RPS6KC1: variants seen among roughly 807,000 people sequenced by gnomAD.
The protein encoded by RPS6KC1 is ribosomal protein S6 kinase C1, also known as inactive ribosomal protein S6 kinase delta-1.
Under a neutral mutation model 103.8 loss-of-function variants are expected in RPS6KC1, and 54 were observed. That is an observed-to-expected ratio of 0.52 (90% CI 0.42 to 0.65). RPS6KC1 has a LOEUF of 0.65. Among genes scored for constraint, RPS6KC1 ranks in the 30% least tolerant of loss-of-function variants. The pLI is 0.00. For missense variants in RPS6KC1, 1,151 were observed against 1,253.8 expected, an observed-to-expected ratio of 0.92 and a Z score of 1.24; for synonymous variants, 439 against 438.7, an observed-to-expected ratio of 1.00 and a Z score of -0.01.
the RPS6KC1 span, among the ~76,000 whole-genome samples, chr1:213,300,094 C>T: frequency 8.5e-5 from 13 of 152,128 alleles, no homozygotes; most frequent in Admixed American, 6.6e-5. Context: ...CGTGAGCCAC[C>T]GCACCCCGCC....
At chr1:213,519,162 C>A in the RPS6KC1 span, among the ~76,000 whole-genome samples, 579 of 152,276 alleles carry the variant, frequency 3.8e-3, 1 homozygote, top group Non-Finnish European at 6.9e-3. Flanking sequence ...AATCCTTTGA[C>A]TGTTGTTCTG....
At chr1:213,594,209 T>C in the RPS6KC1 span, among the ~76,000 whole-genome samples, 1 of 152,142 alleles carries the variant, frequency 6.6e-6, no homozygotes, top group African/African-American at 2.4e-5. Context: ...TAAACAAAGC[T>C]TCACCATTTC....
the RPS6KC1 span, among the ~76,000 whole-genome samples, chr1:213,636,554 C>CCATATG: frequency 1.3e-5 from 2 of 152,152 alleles, no homozygotes; most frequent in African/African-American, 4.8e-5. Context: ...GGAGAACTGG[C>CCATATG]TAGCCATATG....
intron 1 of RPS6KC1, among the ~76,000 whole-genome samples, chr1:213,061,223 A>G (rs1331373633): frequency 1.3e-5 from 2 of 152,244 alleles, no homozygotes; most frequent in Admixed American, 6.5e-5. Flanking sequence ...GAGAAACACA[A>G]ACATTCAGTC....
chr1:213,112,752 C>T (rs889750587), intron 4 of RPS6KC1, among the ~76,000 whole-genome samples: 1 of 150,440 alleles, frequency 6.6e-6, no homozygotes, highest in Non-Finnish European at 1.5e-5. Context: ...GTGTGATGTT[C>T]CCCTTCCTGT....
chr1:213,326,575 C>T, the RPS6KC1 span, among the ~76,000 whole-genome samples: 1 of 152,188 alleles, frequency 6.6e-6, no homozygotes, highest in Non-Finnish European at 1.5e-5. Context: ...ATTACCCCCC[C>T]AAACAATATG....
rs770063633 is a variant in RPS6KC1, at chr1:213,129,830, A to G, written c.776A>G (p.Tyr259Cys). The change falls in exon 6 of 15, where the codon TAT becomes TGT. Residue 259 changes from tyrosine (Y) to cysteine (C), a missense_variant. By Grantham distance (194) the Tyr-to-Cys change is radical. Transcript: ENST00000366960. ...TTAAAAAAGGAAGAAGAAGACGACT[A>G]TGAAGCTGCTTCTGATTTTTATAGG... ...LALKKEEEDD[Y>C]EAASDFYRKG... The G allele has an allele frequency of 5.0e-6, 8 of 1,611,774 alleles. No homozygotes were observed. Among genetic ancestry groups the G allele is most frequent in the Non-Finnish European group, 6.8e-6 (8 of 1,179,448 alleles).
chr1:213,255,259 G>A (rs980626935), intron 12 of RPS6KC1, among the ~76,000 whole-genome samples: 4 of 151,500 alleles, frequency 2.6e-5, no homozygotes, highest in Admixed American at 1.3e-4. Context: ...CCAGGAGGTC[G>A]AGGCTGCAGT....
the RPS6KC1 span, among the ~76,000 whole-genome samples, chr1:213,337,060 G>GA: frequency 6.6e-6 from 1 of 152,202 alleles, no homozygotes; most frequent in Non-Finnish European, 1.5e-5. Flanking sequence ...AATTGATGTT[G>GA]TTGAATGAAC....
chr1:213,417,903 C>T, the RPS6KC1 span, among the ~76,000 whole-genome samples: 37 of 152,218 alleles, frequency 2.4e-4, no homozygotes, highest in African/African-American at 6.3e-4. Context: ...CAGGTGATAC[C>T]GGTCATTAAA....
At chr1:213,305,009 A>G in the RPS6KC1 span, among the ~76,000 whole-genome samples, 1 of 152,034 alleles carries the variant, frequency 6.6e-6, no homozygotes. Flanking sequence ...CACTGAGACC[A>G]TTTTCAATTT....
the RPS6KC1 span, among the ~76,000 whole-genome samples, chr1:213,580,252 G>A: frequency 6.6e-6 from 1 of 152,084 alleles, no homozygotes; most frequent in East Asian, 1.9e-4. Flanking sequence ...AGGGAGTCAA[G>A]ACTTCAGTGG....
chr1:213,231,852 CTT>C (rs2094111464), intron 9 of RPS6KC1, among the ~76,000 whole-genome samples: 1 of 152,142 alleles, frequency 6.6e-6, no homozygotes, highest in South Asian at 2.1e-4. Context: ...ATCCTGATGA[CTT>C]AGTTTGAGAG....
chr1:213,334,140 C>T, the RPS6KC1 span, among the ~76,000 whole-genome samples: 1 of 152,130 alleles, frequency 6.6e-6, no homozygotes, highest in Non-Finnish European at 1.5e-5. Context: ...TGAGGTCAGG[C>T]CCATGTTAAT....
intron 7 of RPS6KC1, among the ~76,000 whole-genome samples, chr1:213,169,631 C>T (rs2091299910): frequency 1.3e-5 from 2 of 152,114 alleles, no homozygotes; most frequent in South Asian, 4.1e-4. Flanking sequence ...TGACAACCTT[C>T]CTCGTGTGCA....
At chr1:213,311,152 T>C in the RPS6KC1 span, among the ~76,000 whole-genome samples, 8 of 151,778 alleles carry the variant, frequency 5.3e-5, no homozygotes, top group African/African-American at 1.9e-4. Context: ...TTTTTTTTTT[T>C]TTTTGAGACG....
chr1:213,393,033 T>TTAGAG, the RPS6KC1 span, among the ~76,000 whole-genome samples: 1 of 152,246 alleles, frequency 6.6e-6, no homozygotes, highest in South Asian at 2.1e-4. Flanking sequence ...GCAGAACCTC[T>TTAGAG]AATTTCAACC....
the RPS6KC1 span, among the ~76,000 whole-genome samples, chr1:213,699,779 T>A: frequency 6.6e-6 from 1 of 152,104 alleles, no homozygotes; most frequent in South Asian, 2.1e-4. Flanking sequence ...GTTTTATTTT[T>A]AATTTTTTAG....
intron 7 of RPS6KC1, among the ~76,000 whole-genome samples, chr1:213,170,042 A>G (rs1001450249): frequency 6.6e-6 from 1 of 152,186 alleles, no homozygotes; most frequent in African/African-American, 2.4e-5. Flanking sequence ...TTTGCCTCGC[A>G]AAGTGCTTGT....
Sources: gnomAD v4.1 joint callset for allele counts (sites outside exome capture counted in the v4.1 genomes callset) on GRCh38, gnomAD v4.1.1 for gene constraint, MANE v1.5 for transcripts, NCBI Gene and HGNC (gene_info 2026-07-23, HGNC 2026-07-21) for gene names.